MARCHF3: variants seen among roughly 807,000 people sequenced by gnomAD.
MARCHF3 encodes E3 ubiquitin-protein ligase MARCHF3.
A neutral mutation model predicts 24.2 loss-of-function variants in MARCHF3; 13 were observed. That is an observed-to-expected ratio of 0.54 (90% confidence interval 0.35 to 0.85). The LOEUF is 0.85. Ranked by LOEUF, MARCHF3 falls within the 40% of genes least tolerant of loss-of-function variation. MARCHF3 has a pLI of 0.01. For missense variants in MARCHF3, 276 were observed against 325.0 expected (o/e 0.85, Z 1.16); for synonymous variants, 144 against 137.3 (o/e 1.05, Z -0.34).
chr5:126,909,405 G>A (rs1028664048), intron 3 of MARCHF3, among the ~76,000 whole-genome samples: 4 of 152,332 alleles, frequency 2.6e-5, no homozygotes, highest in South Asian at 4.1e-4. Context: ...AATGGCGGGC[G>A]CCCCTCCCCC....
intron 4 of MARCHF3, among the ~76,000 whole-genome samples, chr5:126,876,869 C>CGAACTTCTGACCTCAAGTGATCCCTG: frequency 6.6e-6 from 1 of 152,220 alleles, no homozygotes; most frequent in Middle Eastern, 3.4e-3. Flanking sequence ...AGGCTGGTCT[C>CGAACTTCTGACCTCAAGTGATCCCTG]GAACTTCTGA....
intron 1 of MARCHF3, among the ~76,000 whole-genome samples, chr5:126,983,843 CTA>C (rs1312249430): frequency 6.6e-6 from 1 of 152,218 alleles, no homozygotes; most frequent in African/African-American, 2.4e-5. Context: ...CTGTGTTCCT[CTA>C]TCTTTTTCTT....
chr5:126,941,667 AC>A (rs1749835260), intron 1 of MARCHF3, among the ~76,000 whole-genome samples: 1 of 152,106 alleles, frequency 6.6e-6, no homozygotes, highest in Non-Finnish European at 1.5e-5. Context: ...TTTGGGTCTG[AC>A]CCCAGGAAAG....
Position 126,892,603 on chromosome 5 carries a change from G to A in MARCHF3, c.394-14209C>T, listed in dbSNP as rs532779099. Among the ~76,000 whole-genome samples, 19 of 149,714 alleles carry A rather than the reference G, an allele frequency of 1.3e-4. 1 individual carries two copies. The highest frequency in any genetic ancestry group is 3.4e-3 in the Middle Eastern group (1 of 292). On this transcript the variant is annotated intron_variant, in intron 3 of 4. Transcript: ENST00000308660. ...TGCTGGATTACATTTATTGATTTGC[G>A]TATATTGAACCAACCTTGCATCCCA...
chr5:127,001,870 T>C (rs1157591001), intron 1 of MARCHF3, among the ~76,000 whole-genome samples: 2 of 152,220 alleles, frequency 1.3e-5, no homozygotes, highest in Non-Finnish European at 2.9e-5. Context: ...GGATGAGGAA[T>C]AATTTGGATT....
chr5:126,960,735 T>C (rs1750612612), intron 1 of MARCHF3, among the ~76,000 whole-genome samples: 1 of 152,086 alleles, frequency 6.6e-6, no homozygotes, highest in African/African-American at 2.4e-5. Flanking sequence ...ACAGCAATGA[T>C]ATTTTGCCAT....
At chr5:126,913,811 C>T (rs970349094) in intron 3 of MARCHF3, among the ~76,000 whole-genome samples, 13 of 152,124 alleles carry the variant, frequency 8.5e-5, no homozygotes, top group Non-Finnish European at 1.8e-4. Flanking sequence ...CTACAAGAAG[C>T]GCTTCTTGAT....
In MARCHF3 at chr5:126,897,227, C is replaced by T. The variant is rs543646377; in HGVS notation, c.393+17703G>A. 5.9e-4 allele frequency among the ~76,000 whole-genome samples: 90 copies of T among 151,604 alleles called. 1 individual carries two copies. The highest frequency in any genetic ancestry group is 3.4e-3 in the Middle Eastern group (1 of 292). On this transcript the variant is annotated intron_variant, in intron 3 of 4. Coordinates refer to ENST00000308660, the MANE Select transcript of MARCHF3 (RefSeq NM_178450.5). The stretch of plus-strand genomic sequence containing the variant: ...GCTAATTTTATATTTTTAGTAGAGA[C>T]GGAGTTTCTCCTTGTTGGTCAGGCT...
chr5:127,007,653 T>A (rs1028844920), intron 1 of MARCHF3, among the ~76,000 whole-genome samples: 7 of 152,188 alleles, frequency 4.6e-5, no homozygotes, highest in Non-Finnish European at 1.0e-4. Context: ...TTTTAATTCC[T>A]AATTTGGCTA....
chr5:126,998,488 T>C (rs1752019610), intron 1 of MARCHF3, among the ~76,000 whole-genome samples: 1 of 152,028 alleles, frequency 6.6e-6, no homozygotes, highest in Non-Finnish European at 1.5e-5. Flanking sequence ...TTCCTTGACT[T>C]GGCTCTCAGC....
rs200505445 is a variant in MARCHF3, at chr5:126,953,156, C to T, written c.-56-34929G>A. On this transcript the variant is annotated intron_variant, in intron 1 of 4. Coordinates refer to ENST00000308660, the MANE Select transcript of MARCHF3 (RefSeq NM_178450.5). ...TTTCTTATGAAGGTTTTTGTTTTTT[C>T]CAGGCAGTTCTAATTGCCTTTTTTT... Among the ~76,000 whole-genome samples the T allele has an allele frequency of 2.0e-4, 30 of 152,128 alleles. No homozygotes were observed. The East Asian group carries it at 5.2e-3, about 26-fold the overall frequency.
chr5:126,954,144 T>C (rs1301243627), intron 1 of MARCHF3, among the ~76,000 whole-genome samples: 4 of 151,532 alleles, frequency 2.6e-5, no homozygotes, highest in Non-Finnish European at 5.9e-5. Flanking sequence ...GCCATTCTCC[T>C]GCCTCACCCT....
At chr5:126,893,748 GA>G (rs1235203896) in intron 3 of MARCHF3, among the ~76,000 whole-genome samples, 9 of 118,396 alleles carry the variant, frequency 7.6e-5, no homozygotes, top group Admixed American at 4.5e-4. Flanking sequence ...GTGTGGTGCT[GA>G]AAAAAATGTA....
At chr5:127,012,948 C>T (rs1360944899) in intron 1 of MARCHF3, among the ~76,000 whole-genome samples, 2 of 152,204 alleles carry the variant, frequency 1.3e-5, no homozygotes, top group Non-Finnish European at 2.9e-5. Flanking sequence ...TTCCATGTCA[C>T]TTGTGAACAA....
In MARCHF3 at chr5:126,996,705, C is replaced by T. The variant is rs144575887; in HGVS notation, c.-57+33645G>A. ...AGGAGAACCATCAGTGTAATATTAT[C>T]GTTACCGAGAAAACTGGAAATCACC... On this transcript the variant is annotated intron_variant, in intron 1 of 4. Transcript: ENST00000308660. Among the ~76,000 whole-genome samples the T allele has an allele frequency of 4.6e-3, 703 of 151,772 alleles. 4 individuals are homozygous for T. Among genetic ancestry groups the T allele is most frequent in the Middle Eastern group, 0.034 (10 of 294 alleles).
intron 1 of MARCHF3, among the ~76,000 whole-genome samples, chr5:126,947,404 T>C (rs1750066383): frequency 6.6e-6 from 1 of 152,146 alleles, no homozygotes; most frequent in Non-Finnish European, 1.5e-5. Flanking sequence ...CAAAAGAACA[T>C]CTTGAAGGGA....
intron 2 of MARCHF3, among the ~76,000 whole-genome samples, chr5:126,917,294 G>A (rs1748901329): frequency 6.6e-6 from 1 of 152,186 alleles, no homozygotes; most frequent in East Asian, 1.9e-4. Flanking sequence ...TATCCAACAA[G>A]AGCACAAGAG....
At chr5:126,948,793 T>C (rs1404240037) in intron 1 of MARCHF3, among the ~76,000 whole-genome samples, 2 of 152,186 alleles carry the variant, frequency 1.3e-5, no homozygotes, top group African/African-American at 4.8e-5. Flanking sequence ...GAAACCCCCA[T>C]ATGATGGTGC....
chr5:127,027,250 G>A (rs971091600), intron 1 of MARCHF3, among the ~76,000 whole-genome samples: 3 of 152,130 alleles, frequency 2.0e-5, no homozygotes, highest in Admixed American at 1.3e-4. Flanking sequence ...ATACTCCTAA[G>A]GTGACTTTCA....
Sources: gnomAD v4.1 joint callset for allele counts (sites outside exome capture counted in the v4.1 genomes callset) on GRCh38, gnomAD v4.1.1 for gene constraint, MANE v1.5 for transcripts, NCBI Gene and HGNC (gene_info 2026-07-23, HGNC 2026-07-21) for gene names.